The following KBTBD12 variants were observed in gnomAD, a reference collection of about 807,000 sequenced individuals.
The protein encoded by KBTBD12 is kelch repeat and BTB domain-containing protein 12.
A neutral mutation model predicts 58.7 loss-of-function variants in KBTBD12; 53 were observed. That is an observed-to-expected ratio of 0.90 (90% CI 0.72 to 1.14). KBTBD12 has a LOEUF of 1.14. KBTBD12 is among the 50% of genes most tolerant of loss of function. The pLI is 0.00. For synonymous variants in KBTBD12, 236 were observed against 259.8 expected (o/e 0.91, Z 0.88); for missense variants, 704 against 751.3 (o/e 0.94, Z 0.74).
rs181380500 is a variant in KBTBD12, at chr3:127,922,946, T to G, written c.-112-4T>G. Reference sequence around the variant, plus strand: ...AAGGAAACTGCCTTTTTTCTTTCCCTTAGAAATGTTTCCTGACATCTTTGT... The same window carrying G: ...AAGGAAACTGCCTTTTTTCTTTCCCGTAGAAATGTTTCCTGACATCTTTGT... On this transcript the variant is annotated splice_region_variant and splice_polypyrimidine_tract_variant and intron_variant, in intron 1 of 5. Coordinates refer to ENST00000405109, the MANE Select transcript of KBTBD12 (RefSeq NM_207335.4). The G allele has an allele frequency of 1.6e-6, 1 of 639,912 alleles. No homozygotes were observed. The highest frequency in any genetic ancestry group is 2.7e-5 in the East Asian group (1 of 36,630). The allele number at this position is 639,912 out of a possible 1,614,324, so 39.6% of individuals were successfully genotyped here.
intron 5 of KBTBD12, among the ~76,000 whole-genome samples, chr3:127,976,406 T>C (rs1052419375): frequency 2.6e-5 from 4 of 152,200 alleles, no homozygotes; most frequent in African/African-American, 9.6e-5. Context: ...CATTAACTTG[T>C]TTAATTAGCA....
intron 5 of KBTBD12, chr3:127,963,630 A>AGTGTGTTCACTT (rs144911012): frequency 2.2e-6 from 1 of 457,912 alleles, no homozygotes. Flanking sequence ...ACCACCCTGA[A>AGTGTGTTCACTT]CACACCTGGT....
chr3:127,924,186 TAGA>T, intron 2 of KBTBD12, 55 bp downstream of exon 2: 2 of 1,146,594 alleles, frequency 1.7e-6, no homozygotes, highest in South Asian at 2.9e-5. Context: ...CTAGCAGCAG[TAGA>T]AGAAAGAACT....
At chr3:127,970,124 T>C (rs924980337) in intron 5 of KBTBD12, among the ~76,000 whole-genome samples, 1 of 152,172 alleles carries the variant, frequency 6.6e-6, no homozygotes, top group African/African-American at 2.4e-5. Flanking sequence ...ATATTTTTAA[T>C]GGACAAAGGA....
chr3:127,975,361 A>T (rs112911635), intron 5 of KBTBD12, among the ~76,000 whole-genome samples: 1,995 of 152,326 alleles, frequency 0.013, 32 homozygotes, highest in African/African-American at 0.033. Context: ...TGGAACAGGG[A>T]TCACAGAGGA....
chr3:127,972,462 T>C (rs1293449654), intron 5 of KBTBD12, among the ~76,000 whole-genome samples: 1 of 152,200 alleles, frequency 6.6e-6, no homozygotes. Flanking sequence ...CAAACCTTTA[T>C]TGAATGCCTT....
Position 127,930,232 on chromosome 3 carries a change from T to C in KBTBD12, c.1441T>C (p.Ser481Pro). ...QWSVRAPMKY[S>P]KYRFSTAVVN... ...GAGTGTGCGGGCACCCATGAAGTAC[T>C]CTAAGTACCGATTCAGTACAGCTGT... The change falls in exon 4 of 6, where the codon TCT becomes CCT. Residue 481 changes from serine to proline, a missense_variant. Ser to Pro is a moderately conservative substitution (Grantham distance 74). Transcript: ENST00000405109. The C allele has an allele frequency of 6.2e-7, 1 of 1,611,062 alleles. No individual in the cohort carries two copies. Among genetic ancestry groups the C allele is most frequent in the Non-Finnish European group, 8.5e-7 (1 of 1,178,504 alleles).
intron 1 of KBTBD12, among the ~76,000 whole-genome samples, chr3:127,916,859 A>G (rs1939255565): frequency 6.6e-6 from 1 of 152,220 alleles, no homozygotes. Context: ...ACTGGGTGTC[A>G]TAGTGCATCA....
intron 4 of KBTBD12, among the ~76,000 whole-genome samples, chr3:127,941,424 A>G (rs538736967): frequency 6.6e-6 from 1 of 152,298 alleles, no homozygotes; most frequent in South Asian, 2.1e-4. Flanking sequence ...AAGAAAAGCC[A>G]CATAATCACA....
At chr3:127,948,344 G>GATGGA (rs1940131135) in intron 4 of KBTBD12, among the ~76,000 whole-genome samples, 1 of 151,712 alleles carries the variant, frequency 6.6e-6, no homozygotes, top group East Asian at 2.0e-4. Context: ...GGAAGCTGAG[G>GATGGA]GCCAGTAGCC....
At chr3:127,965,155 G>A (rs561169545) in intron 5 of KBTBD12, among the ~76,000 whole-genome samples, 4 of 152,342 alleles carry the variant, frequency 2.6e-5, no homozygotes, top group Admixed American at 6.5e-5. Flanking sequence ...GGTTATTCAC[G>A]TCTAAGGATC....
intron 5 of KBTBD12, among the ~76,000 whole-genome samples, chr3:127,976,776 T>C (rs1266743374): frequency 2.0e-5 from 3 of 152,264 alleles, no homozygotes; most frequent in Non-Finnish European, 4.4e-5. Context: ...TTCATTTTTA[T>C]GTGTGTATGC....
intron 5 of KBTBD12, among the ~76,000 whole-genome samples, chr3:127,967,468 C>T (rs1270505462): frequency 6.6e-6 from 1 of 152,106 alleles, no homozygotes; most frequent in East Asian, 1.9e-4. Context: ...TGGAAACAGA[C>T]CATAGGTAGA....
At chr3:127,948,030 T>C (rs184854846) in intron 4 of KBTBD12, among the ~76,000 whole-genome samples, 1 of 152,364 alleles carries the variant, frequency 6.6e-6, no homozygotes, top group Admixed American at 6.5e-5. Context: ...AGTGGAAGAA[T>C]GGTTATCATA....
At chr3:127,977,669 A>T (rs148462428) in intron 5 of KBTBD12, among the ~76,000 whole-genome samples, 18 of 152,188 alleles carry the variant, frequency 1.2e-4, no homozygotes, top group African/African-American at 4.3e-4. Context: ...CCACTTTTTA[A>T]TGGGGTTGTT....
intron 4 of KBTBD12, among the ~76,000 whole-genome samples, chr3:127,931,944 C>G (rs1482503400): frequency 6.6e-6 from 1 of 151,972 alleles, no homozygotes; most frequent in African/African-American, 2.4e-5. Flanking sequence ...GAGTAGTAAA[C>G]TGAGAAGCAG....
chr3:127,924,435 A>G (rs1199181312), intron 2 of KBTBD12, among the ~76,000 whole-genome samples: 1 of 150,414 alleles, frequency 6.6e-6, no homozygotes, highest in Non-Finnish European at 1.5e-5. Flanking sequence ...AATCTCCCAC[A>G]TTTTAAAATT....
chr3:127,964,548 A>G (rs1232067868), intron 5 of KBTBD12, among the ~76,000 whole-genome samples: 1 of 151,352 alleles, frequency 6.6e-6, no homozygotes, highest in Non-Finnish European at 1.5e-5. Flanking sequence ...AGGCTGAGGC[A>G]GGAGAATTGC....
chr3:127,924,030 G>T lies in KBTBD12; in HGVS notation c.969G>T (p.Val323=). The part of the protein sequence containing the change: ...SPKYGEGLGT[V]CTGVVMENNT... Reference sequence around the variant, plus strand: ...AGTACGGAGAGGGTTTAGGAACTGTGTGTACTGGTGTTGTCATGGAAAATA... The same window carrying T: ...AGTACGGAGAGGGTTTAGGAACTGTTTGTACTGGTGTTGTCATGGAAAATA... Residue 323 remains valine, a synonymous_variant, in exon 2 of 6, where the codon GTG becomes GTT. Transcript: ENST00000405109. The T allele has an allele frequency of 6.2e-7, 1 of 1,613,752 alleles. No individual in the cohort carries two copies. The highest frequency in any genetic ancestry group is 8.5e-7 in the Non-Finnish European group (1 of 1,179,690).
Sources: allele counts gnomAD v4.1 joint callset (sites outside exome capture counted in the v4.1 genomes callset), GRCh38; gene constraint gnomAD v4.1.1; transcripts MANE v1.5; gene names NCBI Gene and HGNC (gene_info 2026-07-23, HGNC 2026-07-21).